The following BLNK variants were observed in gnomAD, a reference collection of about 807,000 sequenced individuals.
The protein encoded by BLNK is B cell linker, also known as B-cell linker protein.
A neutral mutation model predicts 73.5 loss-of-function variants in BLNK; 29 were observed. The ratio of observed to expected loss-of-function variants is 0.39; its 90% CI spans 0.29 to 0.54. The LOEUF (loss-of-function observed/expected upper bound fraction) is 0.54. Among genes scored for constraint, BLNK ranks in the 20% least tolerant of loss-of-function variants. BLNK has a pLI of 0.61. For synonymous variants in BLNK, 176 were observed against 200.8 expected (o/e 0.88, Z 1.04); for missense variants, 460 against 562.8 (o/e 0.82, Z 1.85).
intron 3 of BLNK, among the ~76,000 whole-genome samples, chr10:96,239,698 A>T (rs1325217969): frequency 3.9e-5 from 6 of 152,178 alleles, no homozygotes; most frequent in Non-Finnish European, 7.3e-5. Context: ...TTTTTGTAGA[A>T]GGTGAGGGAA....
rs1554893321 is a variant in BLNK at position 96,191,254 on chromosome 10, T to TTTA, written c.*718_*719insTAA. Among the ~76,000 whole-genome samples, 2 of 147,914 alleles carry TTTA rather than the reference T, an allele frequency of 1.4e-5. No homozygotes were observed. Among genetic ancestry groups the TTTA allele is most frequent in the African/African-American group, 5.0e-5 (2 of 40,002 alleles). On this transcript the variant is annotated 3_prime_UTR_variant, in exon 17 of 17. Coordinates refer to ENST00000224337, the MANE Select transcript of BLNK (RefSeq NM_013314.4). ...AAACCTCTTTTTTTTTTTTTTTTTT[T>TTTA]ATGTAAATCACCCAGTCTTGAGTAT...
intron 1 of BLNK, among the ~76,000 whole-genome samples, chr10:96,255,979 A>G (rs1220999439): frequency 6.6e-6 from 1 of 152,170 alleles, no homozygotes; most frequent in African/African-American, 2.4e-5. Flanking sequence ...TAGAAATTTT[A>G]TTTTTGTTAC....
At position 96,190,151 on chromosome 10, in the gene BLNK, T is replaced by G. The variant is rs750763099; in HGVS notation, c.*1822A>C. On this transcript the variant is annotated 3_prime_UTR_variant, in exon 17 of 17. Transcript: ENST00000224337. Reference sequence around the variant, plus strand: ...TTAAAGTGATCATCTTTGTCGGCCTTTAGTTCACAACTGAAAAGATAGTTC... The same window carrying G: ...TTAAAGTGATCATCTTTGTCGGCCTGTAGTTCACAACTGAAAAGATAGTTC... The G allele has an allele frequency of 1.2e-5, 11 of 954,088 alleles. No individual in the cohort carries two copies. The highest frequency in any genetic ancestry group is 1.8e-5 in the Non-Finnish European group (11 of 594,880). 59.1% of individuals were successfully genotyped at this position (954,088 alleles called of 1,614,324 possible). A position where few individuals can be genotyped will look rare whatever the true frequency, so the allele number is the denominator to read the frequency against.
In BLNK at chr10:96,189,697, A is replaced by T. The variant is rs7081375; in HGVS notation, c.*2276T>A. The T allele has an allele frequency of 1.6e-6, 1 of 630,704 alleles. No homozygotes were observed. Among genetic ancestry groups the T allele is most frequent in the Non-Finnish European group, 2.9e-6 (1 of 344,702 alleles). The allele number at this position is 630,704 out of a possible 1,614,324, so 39.1% of individuals were successfully genotyped here. A position where few individuals can be genotyped will look rare whatever the true frequency, so the allele number is the denominator to read the frequency against. The stretch of plus-strand genomic sequence containing the variant: ...TTTTTCTTCAGTTTCCTCATCATCA[A>T]AATCATCATCATCATCATCATCATC... On this transcript the variant is annotated 3_prime_UTR_variant, in exon 17 of 17. Coordinates refer to ENST00000224337, the MANE Select transcript of BLNK (RefSeq NM_013314.4).
chr10:96,256,346 T>G (rs1843509597), intron 1 of BLNK, among the ~76,000 whole-genome samples: 2 of 152,212 alleles, frequency 1.3e-5, no homozygotes, highest in African/African-American at 4.8e-5. Context: ...ATGAATGGAT[T>G]TTTAAAAACA....
chr10:96,204,668 T>C (rs782289455), intron 11 of BLNK, 52 bp from the exon 12 acceptor site: 7 of 1,578,910 alleles, frequency 4.4e-6, no homozygotes, highest in Non-Finnish European at 6.1e-6. Flanking sequence ...TCTGTCCTCA[T>C]CCCAAAACCC....
Position 96,242,717 on chromosome 10 carries a change from A to G in BLNK, c.163+18T>C, listed in dbSNP as rs781805755. On this transcript the variant is annotated intron_variant, in intron 3 of 16. Coordinates refer to ENST00000224337, the MANE Select transcript of BLNK (RefSeq NM_013314.4). ...AAATTAGTCAAGAGTCAGTTAAAGT[A>G]TCTGAGAAATACCTTACCTGAAGCG... 113 of 1,609,324 alleles carry G rather than the reference A, an allele frequency of 7.0e-5. No homozygotes were observed. The highest frequency in any genetic ancestry group is 9.2e-5 in the Non-Finnish European group (108 of 1,175,562).
In BLNK at chr10:96,201,035, T is replaced by C. The variant is rs368853735; in HGVS notation, c.958A>G (p.Thr320Ala). 6 of 1,614,040 alleles carry C rather than the reference T, an allele frequency of 3.7e-6. No individual in the cohort carries two copies. Among genetic ancestry groups the C allele is most frequent in the Admixed American group, 1.7e-5 (1 of 60,012 alleles). ...AAGCTGGGTAGGGGCCCATCCACAGTTGGGTTTCCCCCTTCTGTAAATCCT... is the reference window on the plus strand; with the variant it reads ...AAGCTGGGTAGGGGCCCATCCACAGCTGGGTTTCCCCCTTCTGTAAATCCT... ...LPRFTEGGNP[T>A]VDGPLPSFSS... The change falls in exon 14 of 17, where the codon ACT becomes GCT. Residue 320 changes from threonine (T) to alanine (A), a missense_variant. By Grantham distance (58) the Thr-to-Ala change is moderately conservative (BLOSUM62 0). This residue lies in a region of BLNK where 233 missense variants were observed against 232.1 expected (regional missense o/e 1.00). Coordinates refer to ENST00000224337, the MANE Select transcript of BLNK (RefSeq NM_013314.4).
chr10:96,198,897 C>A (rs2083549118), intron 15 of BLNK, among the ~76,000 whole-genome samples: 1 of 152,294 alleles, frequency 6.6e-6, no homozygotes, highest in East Asian at 1.9e-4. Flanking sequence ...TGAGGTTTTG[C>A]CATCTTGGCC....
At chr10:96,202,853 C>A (rs587598805) in intron 13 of BLNK, among the ~76,000 whole-genome samples, 1 of 152,180 alleles carries the variant, frequency 6.6e-6, no homozygotes, top group Non-Finnish European at 1.5e-5. Flanking sequence ...TTTCAACATG[C>A]GTGCATCTCG....
chr10:96,240,062 A>C (rs1322643293), intron 3 of BLNK, among the ~76,000 whole-genome samples: 2 of 152,176 alleles, frequency 1.3e-5, no homozygotes, highest in African/African-American at 2.4e-5. Flanking sequence ...ACACCACCTA[A>C]GCTCTTCTCC....
chr10:96,192,485 T>C (rs904760666), intron 16 of BLNK, among the ~76,000 whole-genome samples: 9 of 152,232 alleles, frequency 5.9e-5, no homozygotes, highest in Non-Finnish European at 1.3e-4. Context: ...AGAATTGATG[T>C]AATAAATTAA....
At position 96,247,012 on chromosome 10, in the gene BLNK, C is replaced by G. The variant is rs782175511; in HGVS notation, c.85G>C (p.Glu29Gln). 1.2e-6 allele frequency: 2 copies of G among 1,607,864 alleles called. No homozygotes were observed. The highest frequency in any genetic ancestry group is 3.3e-5 in the Admixed American group (2 of 59,804). The change falls in exon 2 of 17, where the codon GAA becomes CAA. Residue 29 changes from glutamate (E) to glutamine (Q), a missense_variant. By Grantham distance (29) the Glu-to-Gln change is conservative. This residue lies in a region of BLNK where 139 missense variants were observed against 187.3 expected (regional missense o/e 0.74). Transcript: ENST00000224337. Reference sequence around the variant, plus strand: ...TTGATTTTATTCATTATTCCACCTTCATTGTTTTTAATATCATGGACCATC... The same window carrying G: ...TTGATTTTATTCATTATTCCACCTTGATTGTTTTTAATATCATGGACCATC... ...QKMVHDIKNN[E>Q]GGIMNKIKKL...
rs1554896837 is a variant in BLNK, at chr10:96,204,071, G to T, written c.920C>A (p.Pro307His). ...PPAQKQIHQKPIPLPRFTEGG... is the reference protein window; with the variant it reads ...PPAQKQIHQKHIPLPRFTEGG... ...GTTGTACTTACTTGGCAGAGGTATGGGTTTTTGGTGGATTTGTCTGCAAGA... is the reference window on the plus strand; with the variant it reads ...GTTGTACTTACTTGGCAGAGGTATGTGTTTTTGGTGGATTTGTCTGCAAGA... The change falls in exon 13 of 17, where the codon CCC becomes CAC. Residue 307 changes from proline (P) to histidine (H), a missense_variant. Physicochemically the swap from Pro to His is moderately conservative, Grantham distance 77. Transcript: ENST00000224337. 6.2e-7 allele frequency: 1 copy of T among 1,613,812 alleles called. No homozygotes were observed. The highest frequency in any genetic ancestry group is 1.1e-5 in the South Asian group (1 of 91,068).
intron 5 of BLNK, among the ~76,000 whole-genome samples, chr10:96,225,156 G>A (rs190417362): frequency 4.6e-5 from 7 of 152,332 alleles, no homozygotes; most frequent in Admixed American, 3.3e-4. Context: ...GCGGCCTCAA[G>A]TCTACCCAGT....
intron 6 of BLNK, among the ~76,000 whole-genome samples, chr10:96,218,868 G>A (rs1228969088): frequency 6.6e-6 from 1 of 152,130 alleles, no homozygotes; most frequent in African/African-American, 2.4e-5. Context: ...TGGCCGAGAG[G>A]CACCAGAGAG....
chr10:96,213,820 G>C (rs2084001627), intron 8 of BLNK, among the ~76,000 whole-genome samples: 1 of 152,138 alleles, frequency 6.6e-6, no homozygotes, highest in African/African-American at 2.4e-5. Context: ...TTCTGCTGGG[G>C]CCTAAGCAAC....
chr10:96,241,802 C>A (rs1172224514), intron 3 of BLNK, among the ~76,000 whole-genome samples: 2 of 151,472 alleles, frequency 1.3e-5, no homozygotes, highest in East Asian at 3.9e-4. Context: ...ATGATCACAT[C>A]TCACTGCAGC....
chr10:96,212,728 G>T (rs1349634845), intron 8 of BLNK, among the ~76,000 whole-genome samples: 3 of 152,204 alleles, frequency 2.0e-5, no homozygotes, highest in Non-Finnish European at 2.9e-5. Flanking sequence ...ACACCAACTA[G>T]GCACCTGATG....
Sources: gnomAD v4.1 joint callset for allele counts (sites outside exome capture counted in the v4.1 genomes callset) on GRCh38, gnomAD v4.1.1 for gene constraint, gnomAD v4.1.1 regional missense constraint, MANE v1.5 for transcripts, NCBI Gene and HGNC (gene_info 2026-07-23, HGNC 2026-07-21) for gene names.